The following ITGA1 variants were observed in gnomAD, a reference collection of about 807,000 sequenced individuals.
ITGA1 encodes the protein integrin subunit alpha 1, also known as integrin alpha-1.
In ITGA1, 85 loss-of-function variants were observed where a neutral mutation model predicts 145.9. The observed-to-expected ratio is 0.58, with a 90% CI of 0.49 to 0.70. The LOEUF (loss-of-function observed/expected upper bound fraction) is 0.70, where lower values mean the gene tolerates loss of function less well. Among genes scored for constraint, ITGA1 ranks in the 30% least tolerant of loss-of-function variants. The probability of loss-of-function intolerance (pLI) is 0.00; values close to 1 mark genes in which losing one functional copy is unlikely to be tolerated. For missense variants in ITGA1, 1,351 were observed against 1,418.7 expected (o/e 0.95, Z 0.77); for synonymous variants, 520 against 495.3 (o/e 1.05, Z -0.66).
intron 13 of ITGA1, 85 bp from the exon 14 acceptor site, chr5:52,910,077 A>G: frequency 2.3e-6 from 3 of 1,279,260 alleles, no homozygotes; most frequent in Non-Finnish European, 3.3e-6. Context: ...GGCTGTTAAT[A>G]GCACTGATTT....
chr5:52,871,816 T>C (rs1464184705), intron 6 of ITGA1, among the ~76,000 whole-genome samples: 1 of 152,146 alleles, frequency 6.6e-6, no homozygotes, highest in Non-Finnish European at 1.5e-5. Flanking sequence ...TGTCAACCAA[T>C]TTTTTACCCA....
chr5:52,790,494 G>A (rs1247294536), intron 1 of ITGA1, among the ~76,000 whole-genome samples: 3 of 152,198 alleles, frequency 2.0e-5, no homozygotes, highest in Admixed American at 6.5e-5. Flanking sequence ...TTCTTCTGGA[G>A]GTTCTAGGGG....
chr5:52,910,979 GTATGTATACTA>G (rs1561245795), intron 14 of ITGA1, among the ~76,000 whole-genome samples: 1 of 111,140 alleles, frequency 9.0e-6, no homozygotes, highest in African/African-American at 3.9e-5. Context: ...ACTATATATA[GTATGTATACTA>G]TATATAGTAT....
At chr5:52,874,150 T>G (rs1452700005) in intron 6 of ITGA1, among the ~76,000 whole-genome samples, 1 of 151,692 alleles carries the variant, frequency 6.6e-6, no homozygotes, top group African/African-American at 2.4e-5. Context: ...CAGCTTCTGG[T>G]GAGGGCCTTG....
chr5:52,834,558 GAGAGAAAGAGAGAAGA>G (rs1394194735), intron 1 of ITGA1, among the ~76,000 whole-genome samples: 8 of 84,720 alleles, frequency 9.4e-5, no homozygotes, highest in Admixed American at 1.0e-4. Flanking sequence ...GAGAAAGAGA[GAGAGAAAGAGAGAAGA>G]AAGAAAGAAA....
At position 52,869,465 on chromosome 5, in the gene ITGA1, A is replaced by G. The variant is rs538235073; in HGVS notation, c.624+3648A>G. 4.6e-5 allele frequency among the ~76,000 whole-genome samples: 7 copies of G among 152,260 alleles called. No individual in the cohort carries two copies. In the South Asian group the frequency reaches 8.3e-4, roughly 18 times the overall value. ...CTTGAGCCACTGTGCCTGGCCCCAT[A>G]TGATTCTTAAACAGATTAAAGTTTG... On this transcript the variant is annotated intron_variant, in intron 6 of 28. Coordinates refer to ENST00000282588, the MANE Select transcript of ITGA1 (RefSeq NM_181501.2).
rs555446329 is a variant in ITGA1 at position 52,882,140 on chromosome 5, A to G, written c.773+119A>G. 8.7e-5 allele frequency: 71 copies of G among 814,654 alleles called. No individual in the cohort carries two copies. In the African/African-American group the frequency reaches 1.1e-3, roughly 13 times the overall value. 50.5% of individuals were successfully genotyped at this position (814,654 alleles called of 1,614,324 possible). A position where few individuals can be genotyped will look rare whatever the true frequency, so the allele number is the denominator to read the frequency against. ...ACAATATTTAAAGCCATTTTGTTTA[A>G]AATGAGATTCAGAAGATTAAATAAT... On this transcript the variant is annotated intron_variant, in intron 7 of 28. Coordinates refer to ENST00000282588, the MANE Select transcript of ITGA1 (RefSeq NM_181501.2).
chr5:52,893,008 TA>T (rs57300829), intron 8 of ITGA1, among the ~76,000 whole-genome samples: 2 of 150,850 alleles, frequency 1.3e-5, no homozygotes, highest in East Asian at 1.9e-4. Context: ...AACCTTACCT[TA>T]AAAAAAAACT....
At position 52,800,014 on chromosome 5, in the gene ITGA1, C is replaced by A. The variant is rs895164104; in HGVS notation, c.61+11600C>A. On this transcript the variant is annotated intron_variant, in intron 1 of 28. Coordinates refer to ENST00000282588, the MANE Select transcript of ITGA1 (RefSeq NM_181501.2). ...CCTCACAGCTTAGTGCGCCTGCGCA[C>A]GCGCGAACTGCGGCCCCGCCTCTCC... 3.2e-5 allele frequency: 9 copies of A among 279,490 alleles called. 1 individual carries two copies. The South Asian group carries it at 3.5e-4, about 11-fold the overall frequency. The allele number at this position is 279,490 out of a possible 1,614,324, so 17.3% of individuals were successfully genotyped here.
intron 28 of ITGA1, among the ~76,000 whole-genome samples, chr5:52,949,927 C>T (rs1751193508): frequency 6.6e-6 from 1 of 152,126 alleles, no homozygotes; most frequent in Admixed American, 6.5e-5. Context: ...TTCCTGAATC[C>T]CACCAGTTTG....
intron 6 of ITGA1, among the ~76,000 whole-genome samples, chr5:52,866,584 T>C (rs988958275): frequency 6.6e-6 from 1 of 152,190 alleles, no homozygotes; most frequent in African/African-American, 2.4e-5. Context: ...AAGCCTGTTG[T>C]CCTTTCTGTT....
At chr5:52,823,802 G>A (rs542587657) in intron 1 of ITGA1, among the ~76,000 whole-genome samples, 1 of 152,300 alleles carries the variant, frequency 6.6e-6, no homozygotes, top group Admixed American at 6.5e-5. Context: ...AAAAAAGAAG[G>A]GGAAAGTGCT....
At chr5:52,933,633 CA>C (rs1750923168) in intron 22 of ITGA1, 1 of 207,494 alleles carries the variant, frequency 4.8e-6, no homozygotes, top group Non-Finnish European at 9.5e-6. Context: ...ACTTGTTAAC[CA>C]TGAAATTTTA....
intron 1 of ITGA1, chr5:52,800,747 A>G: frequency 6.2e-7 from 1 of 1,614,200 alleles, no homozygotes; most frequent in Non-Finnish European, 8.5e-7. Flanking sequence ...AAGCAGTGGG[A>G]TAGTGTGGTA....
In ITGA1 at chr5:52,910,248, CAAAAAT is replaced by C; in HGVS notation, c.1687_1692del (p.Lys563_Asn564del). ...AGCACAATTCATGCACAACAGAAAACAAAAATGAGCCATGCGGGGCTCGTTTTGGAA... is the reference window on the plus strand; with the variant it reads ...AGCACAATTCATGCACAACAGAAAACGAGCCATGCGGGGCTCGTTTTGGAA... On this transcript the variant is annotated inframe_deletion, in exon 14 of 29. Coordinates refer to ENST00000282588, the MANE Select transcript of ITGA1 (RefSeq NM_181501.2). 1 of 1,613,942 alleles carries C rather than the reference CAAAAAT, an allele frequency of 6.2e-7. No individual in the cohort carries two copies. The highest frequency in any genetic ancestry group is 8.5e-7 in the Non-Finnish European group (1 of 1,179,916).
rs1214080496 is a variant in ITGA1 at position 52,954,103 on chromosome 5, T to C, written c.*1652T>C. ...AGTAGCTGGAAGAAAGAATACCTCT[T>C]TCTAGAGGTTTGGTGTCCTCTTGCT... On this transcript the variant is annotated 3_prime_UTR_variant, in exon 29 of 29. Transcript: ENST00000282588. The C allele has an allele frequency of 6.6e-6, 1 of 152,162 alleles. No individual in the cohort carries two copies. Among genetic ancestry groups the C allele is most frequent in the Admixed American group, 6.5e-5 (1 of 15,272 alleles). 9.4% of individuals were successfully genotyped at this position (152,162 alleles called of 1,614,324 possible).
In ITGA1 at chr5:52,893,681, G is replaced by C; in HGVS notation, c.931G>C (p.Gly311Arg). 6.2e-7 allele frequency: 1 copy of C among 1,609,916 alleles called. No individual in the cohort carries two copies. The highest frequency in any genetic ancestry group is 1.1e-5 in the South Asian group (1 of 90,348). ...NIQRFSIAILGSYNRGNLSTE... is the reference protein window; with the variant it reads ...NIQRFSIAILRSYNRGNLSTE... Reference sequence around the variant, plus strand: ...TGTTTCTGTTGTGTCTTAGATTCTTGGCAGCTATAACCGAGGAAATTTAAG... The same window carrying C: ...TGTTTCTGTTGTGTCTTAGATTCTTCGCAGCTATAACCGAGGAAATTTAAG... Residue 311 changes from glycine (G) to arginine (R), a missense_variant, in exon 9 of 29, where the codon GGC (glycine) becomes CGC (arginine). Transcript: ENST00000282588.
At chr5:52,800,132 A>C (rs1324931745) in intron 1 of ITGA1, 37 of 416,806 alleles carry the variant, frequency 8.9e-5, no homozygotes, top group Admixed American at 2.9e-4. Flanking sequence ...GCCAGCGGGA[A>C]CTGTGTAGGG....
intron 1 of ITGA1, among the ~76,000 whole-genome samples, chr5:52,799,495 A>G (rs1748410382): frequency 1.3e-5 from 2 of 152,200 alleles, no homozygotes; most frequent in Admixed American, 6.5e-5. Flanking sequence ...CAAGCAACTG[A>G]GAGGTCCACC....
Sources: gnomAD v4.1 joint callset for allele counts (sites outside exome capture counted in the v4.1 genomes callset) on GRCh38, gnomAD v4.1.1 for gene constraint, MANE v1.5 for transcripts, NCBI Gene and HGNC (gene_info 2026-07-23, HGNC 2026-07-21) for gene names.